Variants in SUCLG2 observed in about 807,000 individuals in gnomAD.
SUCLG2 encodes the protein succinate--CoA ligase [GDP-forming] subunit beta, mitochondrial.
In SUCLG2, 42 loss-of-function variants were observed where a neutral mutation model predicts 47.9. That is an observed-to-expected ratio of 0.88 (90% CI 0.69 to 1.14). The LOEUF (loss-of-function observed/expected upper bound fraction) is 1.14. Ranked by LOEUF, SUCLG2 falls within the 50% of genes most tolerant of loss-of-function variation. The probability of loss-of-function intolerance (pLI) is 0.00; values close to 1 mark genes in which losing one functional copy is unlikely to be tolerated. For synonymous variants in SUCLG2, 195 were observed against 197.3 expected (o/e 0.99, Z 0.10); for missense variants, 571 against 525.9 (o/e 1.09, Z -0.84).
intron 1 of SUCLG2, among the ~76,000 whole-genome samples, chr3:67,625,331 T>A (rs1052152748): frequency 2.0e-5 from 3 of 152,180 alleles, no homozygotes; most frequent in Admixed American, 1.3e-4. Context: ...TCAACCACCA[T>A]GACCTTACAA....
chr3:67,541,801 G>T (rs1706719280), intron 2 of SUCLG2, among the ~76,000 whole-genome samples: 1 of 152,008 alleles, frequency 6.6e-6, no homozygotes, highest in African/African-American at 2.4e-5. Context: ...AAGCCCATCA[G>T]ACTAACAGTG....
intron 10 of SUCLG2, among the ~76,000 whole-genome samples, chr3:67,378,657 C>G (rs184380429): frequency 1.3e-5 from 2 of 152,330 alleles, no homozygotes; most frequent in East Asian, 3.9e-4. Flanking sequence ...AGATTCCTGA[C>G]CACAGAAACT....
chr3:67,457,860 C>T (rs1005770184), intron 9 of SUCLG2, among the ~76,000 whole-genome samples: 1 of 152,100 alleles, frequency 6.6e-6, no homozygotes, highest in East Asian at 1.9e-4. Flanking sequence ...TGAACCTTGT[C>T]AACGTTTATA....
intron 10 of SUCLG2, among the ~76,000 whole-genome samples, chr3:67,390,930 T>C (rs1186356457): frequency 2.0e-5 from 3 of 152,230 alleles, no homozygotes; most frequent in African/African-American, 7.2e-5. Context: ...ATGTCTCAGA[T>C]ATGTCTGAAG....
chr3:67,611,041 C>T (rs1452740773), intron 1 of SUCLG2, among the ~76,000 whole-genome samples: 1 of 152,174 alleles, frequency 6.6e-6, no homozygotes. Flanking sequence ...TGAATCAACT[C>T]TGCCTTTTGT....
intron 9 of SUCLG2, among the ~76,000 whole-genome samples, chr3:67,442,099 C>T (rs1304685535): frequency 1.4e-5 from 2 of 147,146 alleles, no homozygotes; most frequent in East Asian, 3.9e-4. Context: ...CAAGCTCCAC[C>T]TCCCGGGTTC....
Position 67,607,647 on chromosome 3 carries a change from G to A in SUCLG2, c.226+1808C>T, listed in dbSNP as rs9811648. Among the ~76,000 whole-genome samples the A allele has an allele frequency of 6.6e-3, 996 of 151,920 alleles. 10 individuals are homozygous for A. Among genetic ancestry groups the A allele is most frequent in the African/African-American group, 0.022 (920 of 41,416 alleles). Reference sequence around the variant, plus strand: ...CTAGATGTTCTACCACACAACAATCGCCCTTTGATATGGTTTGGCTGTCCC... The same window carrying A: ...CTAGATGTTCTACCACACAACAATCACCCTTTGATATGGTTTGGCTGTCCC... On this transcript the variant is annotated intron_variant, in intron 2 of 10. Coordinates refer to ENST00000307227, the MANE Select transcript of SUCLG2 (RefSeq NM_003848.4).
intron 10 of SUCLG2, among the ~76,000 whole-genome samples, chr3:67,363,248 T>A (rs1231148537): frequency 2.0e-5 from 3 of 152,184 alleles, no homozygotes; most frequent in Non-Finnish European, 4.4e-5. Flanking sequence ...GTCCAGAAAT[T>A]CACAGACATC....
intron 2 of SUCLG2, among the ~76,000 whole-genome samples, chr3:67,568,803 C>G (rs1196440902): frequency 2.0e-5 from 3 of 152,104 alleles, no homozygotes; most frequent in Non-Finnish European, 4.4e-5. Context: ...AGGAGAATGG[C>G]GTGAACCCGG....
chr3:67,603,781 G>A (rs1053181429), intron 2 of SUCLG2, among the ~76,000 whole-genome samples: 1 of 152,134 alleles, frequency 6.6e-6, no homozygotes, highest in African/African-American at 2.4e-5. Context: ...TTTTAAGACA[G>A]GTATTTCCAG....
chr3:67,396,090 C>T (rs1222278153), intron 10 of SUCLG2, among the ~76,000 whole-genome samples: 1 of 151,588 alleles, frequency 6.6e-6, no homozygotes, highest in Non-Finnish European at 1.5e-5. Context: ...AAATTGACAC[C>T]CTAACATCAC....
At chr3:67,393,249 G>C (rs892365730) in intron 10 of SUCLG2, among the ~76,000 whole-genome samples, 2 of 152,252 alleles carry the variant, frequency 1.3e-5, no homozygotes, top group Non-Finnish European at 2.9e-5. Context: ...CAAGGGGTCA[G>C]GGAGTTCCCT....
At chr3:67,650,662 C>G (rs1369094560) in intron 1 of SUCLG2, among the ~76,000 whole-genome samples, 1 of 152,104 alleles carries the variant, frequency 6.6e-6, no homozygotes, top group Non-Finnish European at 1.5e-5. Context: ...GAAGCCGAGG[C>G]AGGAGAATCG....
chr3:67,494,543 T>C (rs1242664061), intron 9 of SUCLG2, among the ~76,000 whole-genome samples: 1 of 152,076 alleles, frequency 6.6e-6, no homozygotes, highest in African/African-American at 2.4e-5. Context: ...GGAGGATACC[T>C]TGGGCCCAGG....
At chr3:67,394,981 T>C (rs1271023538) in intron 10 of SUCLG2, among the ~76,000 whole-genome samples, 1 of 152,048 alleles carries the variant, frequency 6.6e-6, no homozygotes. Flanking sequence ...CTGAGAGATT[T>C]TGTCACCACC....
At chr3:67,646,745 G>A (rs7610446) in intron 1 of SUCLG2, among the ~76,000 whole-genome samples, 44,606 of 152,028 alleles carry the variant, frequency 0.29, 7,140 homozygotes, top group Non-Finnish European at 0.36. Flanking sequence ...AACCCGGGCA[G>A]TCTGATTCCA....
chr3:67,466,864 T>C (rs1002769504), intron 9 of SUCLG2, among the ~76,000 whole-genome samples: 7 of 152,168 alleles, frequency 4.6e-5, no homozygotes, highest in African/African-American at 1.7e-4. Context: ...ACAACCAAGA[T>C]ACAAAGATAT....
At chr3:67,609,654 T>C in intron 1 of SUCLG2, 58 bp from the exon 2 acceptor site, 1 of 1,553,944 alleles carries the variant, frequency 6.4e-7, no homozygotes. Context: ...AAAATAAAAG[T>C]CAACCTACAT....
intron 6 of SUCLG2, among the ~76,000 whole-genome samples, chr3:67,515,927 G>A (rs1479244109): frequency 6.6e-6 from 1 of 152,068 alleles, no homozygotes; most frequent in African/African-American, 2.4e-5. Flanking sequence ...GTCTACAGCT[G>A]AGATCAACCT....
Sources: gnomAD v4.1 joint callset for allele counts (sites outside exome capture counted in the v4.1 genomes callset) on GRCh38, gnomAD v4.1.1 for gene constraint, MANE v1.5 for transcripts, NCBI Gene and HGNC (gene_info 2026-07-23, HGNC 2026-07-21) for gene names.